Variants in SYCE1L observed in about 807,000 individuals in gnomAD.
SYCE1L encodes synaptonemal complex central element protein 1 like.
SYCE1L carries 51 observed loss-of-function variants against 39.6 expected under a neutral mutation model. The ratio of observed to expected loss-of-function variants is 1.29; its 90% CI spans 1.03 to 1.63. SYCE1L has a LOEUF of 1.63. SYCE1L is among the 40% of genes most tolerant of loss of function. The pLI is 0.00. For synonymous variants in SYCE1L, 147 were observed against 122.4 expected (o/e 1.20, Z -1.33); for missense variants, 426 against 304.9 (o/e 1.40, Z -2.96).
rs563325510 is a variant in SYCE1L, at chr16:77,199,694, G to T, written c.61+182G>T. ...CAGCACAGTGGAGATAAATTAACAG[G>T]CATATTCTTATCACCGAGATTAACT... On this transcript the variant is annotated intron_variant, in intron 1 of 10. Coordinates refer to ENST00000378644, the MANE Select transcript of SYCE1L (RefSeq NM_001129979.3). The T allele has an allele frequency of 8.7e-4, 473 of 546,670 alleles. 1 individual carries two copies. The highest frequency in any genetic ancestry group is 2.4e-3 in the Middle Eastern group (5 of 2,066). The allele number at this position is 546,670 out of a possible 1,614,324, so 33.9% of individuals were successfully genotyped here. A position where few individuals can be genotyped will look rare whatever the true frequency, so the allele number is the denominator to read the frequency against.
intron 1 of SYCE1L, 121 bp from the exon 2 acceptor site, chr16:77,206,320 G>T: frequency 1.3e-6 from 1 of 794,502 alleles, no homozygotes; most frequent in Non-Finnish European, 2.0e-6. Flanking sequence ...AAACCTGTCT[G>T]TCATTCCATC....
chr16:77,203,592 C>CTTTTTTTTTTTTT (rs57339044), intron 1 of SYCE1L, among the ~76,000 whole-genome samples: 2 of 120,602 alleles, frequency 1.7e-5, no homozygotes, highest in South Asian at 2.7e-4. Flanking sequence ...AAGTTACTTC[C>CTTTTTTTTTTTTT]TTTTTTTTTT....
chr16:77,202,993 T>C (rs1001190618), intron 1 of SYCE1L, among the ~76,000 whole-genome samples: 10 of 132,578 alleles, frequency 7.5e-5, no homozygotes, highest in African/African-American at 2.2e-4. Flanking sequence ...TCCAAAATAT[T>C]AAGAATATTT....
At position 77,208,484 on chromosome 16, in the gene SYCE1L, G is replaced by A. The variant is rs771042236; in HGVS notation, c.201G>A (p.Glu67=). 8 of 1,551,688 alleles carry A rather than the reference G, an allele frequency of 5.2e-6. No homozygotes were observed. In the South Asian group the frequency reaches 8.3e-5, roughly 16 times the overall value. Residue 67 remains glutamate, a synonymous_variant, in exon 4 of 11, where the codon GAG becomes GAA. Transcript: ENST00000378644. Reference sequence around the variant, plus strand: ...GCCCAGCAAAGAAGAAATCCAGTGAGGAACTGAGAGAGACCCACAGTCTCT... The same window carrying A: ...GCCCAGCAAAGAAGAAATCCAGTGAAGAACTGAGAGAGACCCACAGTCTCT... ...DLQQAKKKSS[E]ELRETHSLWE...
intron 1 of SYCE1L, among the ~76,000 whole-genome samples, chr16:77,204,502 T>C (rs1328509604): frequency 6.6e-6 from 1 of 152,152 alleles, no homozygotes; most frequent in Admixed American, 6.5e-5. Context: ...AAGACCCAGT[T>C]TGTGGTACTT....
Position 77,212,184 on chromosome 16 carries a change from CA to C in SYCE1L, c.479del (p.Gln160ArgfsTer32). 1 of 1,548,736 alleles carries C rather than the reference CA, an allele frequency of 6.5e-7. No individual in the cohort carries two copies. The highest frequency in any genetic ancestry group is 8.7e-7 in the Non-Finnish European group (1 of 1,146,372). The stretch of plus-strand genomic sequence containing the variant: ...CCGTGCCCTGGAGAGAAGCAAGGAG[CA>C]GCTGCTCTCGGAGAGTGAGCCTCCC... The part of the protein sequence containing the change: ...EIRALERSKE[Q>X]LLSERRLVRA... On this transcript the variant is annotated frameshift_variant, in exon 8 of 11. Transcript: ENST00000378644. LOFTEE classifies it high-confidence loss of function.
rs556320300 is a variant in SYCE1L at position 77,212,791 on chromosome 16, G to A, written c.655-66G>A. 2.1e-6 allele frequency: 3 copies of A among 1,432,988 alleles called. No homozygotes were observed. In the African/African-American group the frequency reaches 4.4e-5, roughly 21 times the overall value. The allele number at this position is 1,432,988 out of a possible 1,614,324, so 88.8% of individuals were successfully genotyped here. A position where few individuals can be genotyped will look rare whatever the true frequency, so the allele number is the denominator to read the frequency against. On this transcript the variant is annotated intron_variant, in intron 10 of 10. Transcript: ENST00000378644. ...CAGAGGAAGCCGCGGTGGAGGCCTA[G>A]GGCAGACGCGGGCGGACGCGAGGAG...
intron 1 of SYCE1L, among the ~76,000 whole-genome samples, chr16:77,206,021 C>G (rs1338148462): frequency 6.6e-6 from 1 of 152,132 alleles, no homozygotes; most frequent in Non-Finnish European, 1.5e-5. Context: ...TAACTATTAC[C>G]TAGATCTATC....
In SYCE1L at chr16:77,213,119, C is replaced by T. The variant is rs866549765; in HGVS notation, c.*188C>T. On this transcript the variant is annotated 3_prime_UTR_variant, in exon 11 of 11. Coordinates refer to ENST00000378644, the MANE Select transcript of SYCE1L (RefSeq NM_001129979.3). The stretch of plus-strand genomic sequence containing the variant: ...CACCAGTCGAGCCCCGGGCGCCGTA[C>T]AGAGGCTGGGTAAATGCTCCTGAAC... 9.9e-4 allele frequency: 508 copies of T among 511,956 alleles called. 1 individual carries two copies. The highest frequency in any genetic ancestry group is 9.4e-3 in the Middle Eastern group (19 of 2,014). The allele number at this position is 511,956 out of a possible 1,614,324, so 31.7% of individuals were successfully genotyped here. A position where few individuals can be genotyped will look rare whatever the true frequency, so the allele number is the denominator to read the frequency against.
At chr16:77,211,550 C>G (rs1371060933) in intron 7 of SYCE1L, among the ~76,000 whole-genome samples, 1 of 152,178 alleles carries the variant, frequency 6.6e-6, no homozygotes, top group Non-Finnish European at 1.5e-5. Context: ...GTATGTTCAC[C>G]TTGCAGTGGC....
intron 1 of SYCE1L, chr16:77,201,512 A>G (rs2054742353): frequency 6.6e-6 from 1 of 152,238 alleles, no homozygotes; most frequent in African/African-American, 2.4e-5. Flanking sequence ...CTCAGGGAAG[A>G]GAGCTGACTC....
In SYCE1L at chr16:77,209,402, GT is replaced by G; in HGVS notation, c.305-13del. The G allele has an allele frequency of 1.3e-6, 2 of 1,551,694 alleles. No homozygotes were observed. Among genetic ancestry groups the G allele is most frequent in the Non-Finnish European group, 1.7e-6 (2 of 1,146,984 alleles). ...CAAGAGCTCTCAAAGGGTCCCCTTGGTTCCTTCCCCACAGAGGCACTGAGGA... is the reference window on the plus strand; with the variant it reads ...CAAGAGCTCTCAAAGGGTCCCCTTGGTCCTTCCCCACAGAGGCACTGAGGA... On this transcript the variant is annotated splice_polypyrimidine_tract_variant and intron_variant, in intron 5 of 10. Coordinates refer to ENST00000378644, the MANE Select transcript of SYCE1L (RefSeq NM_001129979.3).
intron 1 of SYCE1L, among the ~76,000 whole-genome samples, chr16:77,205,712 A>G (rs1372493497): frequency 2.6e-5 from 4 of 151,942 alleles, no homozygotes; most frequent in Non-Finnish European, 4.4e-5. Flanking sequence ...CTGAATTCAT[A>G]TTTAGATGTG....
intron 1 of SYCE1L, chr16:77,200,695 A>G (rs970989425): frequency 7.0e-6 from 1 of 142,658 alleles, no homozygotes; most frequent in African/African-American, 2.6e-5. Flanking sequence ...GGCAGAGGTT[A>G]TCGTGAGCTG....
At chr16:77,212,006 AAATAGTTG>A in intron 7 of SYCE1L, 116 bp from the exon 8 acceptor site, 1 of 1,106,678 alleles carries the variant, frequency 9.0e-7, no homozygotes, top group East Asian at 2.7e-5. Flanking sequence ...TTGAGTTAAT[AAATAGTTG>A]AATGAATGAA....
At chr16:77,211,581 C>A (rs1214884569) in intron 7 of SYCE1L, among the ~76,000 whole-genome samples, 1 of 152,156 alleles carries the variant, frequency 6.6e-6, no homozygotes, top group Non-Finnish European at 1.5e-5. Flanking sequence ...CCAGGGAAAG[C>A]CATGGTCAGG....
chr16:77,204,305 A>G (rs1163177076), intron 1 of SYCE1L, among the ~76,000 whole-genome samples: 1 of 152,204 alleles, frequency 6.6e-6, no homozygotes, highest in Non-Finnish European at 1.5e-5. Context: ...GTCCCTCCAA[A>G]ATTCATGTCC....
chr16:77,212,050 C>A, intron 7 of SYCE1L, 80 bp from the exon 8 acceptor site: 2 of 1,441,182 alleles, frequency 1.4e-6, no homozygotes, highest in Non-Finnish European at 9.3e-7. Flanking sequence ...GAAGACTTCG[C>A]GAGAAGCACA....
intron 3 of SYCE1L, 37 bp downstream of exon 3, chr16:77,208,306 G>C: frequency 6.5e-7 from 1 of 1,549,690 alleles, no homozygotes; most frequent in Non-Finnish European, 8.7e-7. Flanking sequence ...GCTGGGGCGA[G>C]CAGGAAGTGA....
Sources: gnomAD v4.1 joint callset for allele counts (sites outside exome capture counted in the v4.1 genomes callset) on GRCh38, gnomAD v4.1.1 for gene constraint, MANE v1.5 for transcripts, NCBI Gene and HGNC (gene_info 2026-07-23, HGNC 2026-07-21) for gene names.